Variants in PDE1C observed in about 807,000 individuals in gnomAD.
The protein encoded by PDE1C is phosphodiesterase 1C, also known as dual specificity calcium/calmodulin-dependent 3',5'-cyclic nucleotide phosphodiesterase 1C.
PDE1C carries 62 observed loss-of-function variants against 93.1 expected under a neutral mutation model. The observed-to-expected ratio is 0.67, with a 90% CI of 0.54 to 0.82. PDE1C has a LOEUF of 0.82. Ranked by LOEUF, PDE1C falls within the 40% of genes least tolerant of loss-of-function variation. The pLI, the probability that PDE1C is intolerant of heterozygous loss-of-function variation, is 0.00. For synonymous variants in PDE1C, 325 were observed against 310.1 expected, an observed-to-expected ratio of 1.05 and a Z score of -0.50; for missense variants, 742 against 884.6, an observed-to-expected ratio of 0.84 and a Z score of 2.04.
intron 2 of PDE1C, among the ~76,000 whole-genome samples, chr7:31,899,696 GA>G (rs1358379771): frequency 6.6e-6 from 1 of 152,204 alleles, no homozygotes; most frequent in Non-Finnish European, 1.5e-5. Flanking sequence ...GTACAGTAAT[GA>G]AAAGAATGTG....
At chr7:32,090,725 T>G (rs1296355503) in intron 3 of PDE1C, among the ~76,000 whole-genome samples, 2 of 152,192 alleles carry the variant, frequency 1.3e-5, no homozygotes, top group Non-Finnish European at 2.9e-5. Flanking sequence ...AAACTTTGTC[T>G]CTACCTATTT....
At chr7:31,658,592 C>A in the PDE1C span, 1 of 331,748 alleles carries the variant, frequency 3.0e-6, no homozygotes, top group Non-Finnish European at 5.3e-6. Context: ...TCATGATGTG[C>A]GAGAATTGTA....
chr7:32,017,345 A>G (rs1788043621), intron 2 of PDE1C, among the ~76,000 whole-genome samples: 1 of 152,156 alleles, frequency 6.6e-6, no homozygotes, highest in Non-Finnish European at 1.5e-5. Context: ...GCAAAAATAA[A>G]CTCAAAATGG....
intron 17 of PDE1C, among the ~76,000 whole-genome samples, chr7:31,761,246 A>G (rs931890512): frequency 3.9e-5 from 6 of 152,216 alleles, no homozygotes; most frequent in Non-Finnish European, 8.8e-5. Flanking sequence ...GTAAGTTATA[A>G]TAACTACCAA....
At chr7:32,299,216 C>T (rs1170766842) in exon 1 of PDE1C, 3 of 989,500 alleles carry the variant, frequency 3.0e-6, no homozygotes, top group Non-Finnish European at 3.6e-6. Flanking sequence ...CGTGCGTCTT[C>T]TAGATATGTT....
chr7:31,961,263 C>T (rs13235894), intron 2 of PDE1C, among the ~76,000 whole-genome samples: 83,962 of 147,140 alleles, frequency 0.57, 24,775 homozygotes, highest in African/African-American at 0.73. Flanking sequence ...TATATATATA[C>T]ACACACACAG....
At chr7:31,643,890 G>T in the PDE1C span, 1 of 1,613,736 alleles carries the variant, frequency 6.2e-7, no homozygotes, top group African/African-American at 1.3e-5. Context: ...CTGGTCACCA[G>T]GAAGCCCAGT....
intron 1 of PDE1C, among the ~76,000 whole-genome samples, chr7:32,315,243 T>A (rs1327887443): frequency 1.3e-5 from 2 of 151,966 alleles, no homozygotes; most frequent in African/African-American, 4.8e-5. Flanking sequence ...TTAAATCAGA[T>A]GTTGCAAACT....
At chr7:31,671,582 AC>A in the PDE1C span, among the ~76,000 whole-genome samples, 1 of 151,078 alleles carries the variant, frequency 6.6e-6, no homozygotes, top group Non-Finnish European at 1.5e-5. Context: ...ACCCCACCAC[AC>A]CCCTCCAAAC....
intron 3 of PDE1C, among the ~76,000 whole-genome samples, chr7:32,119,659 T>G (rs899541899): frequency 3.3e-5 from 5 of 151,404 alleles, no homozygotes; most frequent in African/African-American, 1.2e-4. Context: ...AGCAGTGTGG[T>G]GCAGCAGCCC....
At chr7:31,776,370 A>T (rs1246313056) in intron 16 of PDE1C, among the ~76,000 whole-genome samples, 1 of 152,070 alleles carries the variant, frequency 6.6e-6, no homozygotes, top group Non-Finnish European at 1.5e-5. Context: ...GACTTCACAA[A>T]TGCTAGTTTA....
intron 3 of PDE1C, among the ~76,000 whole-genome samples, chr7:32,166,799 T>C (rs941597243): frequency 1.3e-5 from 2 of 152,164 alleles, no homozygotes; most frequent in Non-Finnish European, 2.9e-5. Flanking sequence ...CCCAGGGACA[T>C]GTCTTGACGC....
the PDE1C span, among the ~76,000 whole-genome samples, chr7:31,662,340 C>T: frequency 2.0e-5 from 3 of 152,252 alleles, no homozygotes; most frequent in African/African-American, 4.8e-5. Context: ...AAAAATTTGG[C>T]GGATTCTCAG....
At chr7:31,824,585 G>A (rs1037231000) in intron 13 of PDE1C, among the ~76,000 whole-genome samples, 9 of 152,032 alleles carry the variant, frequency 5.9e-5, no homozygotes, top group African/African-American at 1.4e-4. Context: ...GGATTGTCTG[G>A]GCACAGCAGG....
intron 16 of PDE1C, among the ~76,000 whole-genome samples, chr7:31,778,940 CCT>C (rs1197062787): frequency 6.6e-6 from 1 of 152,116 alleles, no homozygotes; most frequent in East Asian, 1.9e-4. Flanking sequence ...AAATTTTTCC[CCT>C]GACTCTTGCT....
chr7:31,843,706 G>C (rs1021729575), intron 9 of PDE1C, among the ~76,000 whole-genome samples: 1 of 151,312 alleles, frequency 6.6e-6, no homozygotes, highest in African/African-American at 2.4e-5. Context: ...GTTGCATTTG[G>C]GTCTAGCATG....
At chr7:32,082,237 C>T (rs886416131) in intron 3 of PDE1C, among the ~76,000 whole-genome samples, 15 of 152,264 alleles carry the variant, frequency 9.9e-5, no homozygotes, top group South Asian at 2.1e-4. Context: ...GAGGGTCCTA[C>T]GCCCACGGAG....
At chr7:32,104,612 G>T (rs1434206881) in intron 3 of PDE1C, among the ~76,000 whole-genome samples, 1 of 152,102 alleles carries the variant, frequency 6.6e-6, no homozygotes, top group African/African-American at 2.4e-5. Flanking sequence ...ATTGACGATG[G>T]AGGCCAATGG....
chr7:31,627,732 A>C, the PDE1C span, among the ~76,000 whole-genome samples: 1 of 151,880 alleles, frequency 6.6e-6, no homozygotes, highest in African/African-American at 2.4e-5. Context: ...ACAGAATGGA[A>C]AGCAGTGTCT....
Sources: gnomAD v4.1 joint callset for allele counts (sites outside exome capture counted in the v4.1 genomes callset) on GRCh38, gnomAD v4.1.1 for gene constraint, MANE v1.5 for transcripts, NCBI Gene and HGNC (gene_info 2026-07-23, HGNC 2026-07-21) for gene names.